ARHGAP15: variants seen among roughly 807,000 people sequenced by gnomAD.
ARHGAP15 encodes Rho GTPase activating protein 15.
A neutral mutation model predicts 63.7 loss-of-function variants in ARHGAP15; 51 were observed. The ratio of observed to expected loss-of-function variants is 0.80; its 90% CI spans 0.64 to 1.01. The LOEUF is 1.01. Among genes scored for constraint, ARHGAP15 ranks in the 50% least tolerant of loss-of-function variants. ARHGAP15 has a pLI of 0.00. For missense variants in ARHGAP15, 560 were observed against 564.6 expected (o/e 0.99, Z 0.08); for synonymous variants, 191 against 193.8 (o/e 0.99, Z 0.12).
At chr2:143,707,583 T>C (rs939100687) in intron 13 of ARHGAP15, among the ~76,000 whole-genome samples, 5 of 152,172 alleles carry the variant, frequency 3.3e-5, no homozygotes, top group African/African-American at 9.7e-5. Flanking sequence ...GTATATGCAA[T>C]GTATCTCGAG....
At chr2:143,611,289 A>C (rs375759079) in intron 11 of ARHGAP15, among the ~76,000 whole-genome samples, 5 of 152,252 alleles carry the variant, frequency 3.3e-5, no homozygotes, top group African/African-American at 1.2e-4. Context: ...CTTGCTCTAT[A>C]TGTTGCTATA....
intron 11 of ARHGAP15, among the ~76,000 whole-genome samples, chr2:143,581,016 A>T (rs754207576): frequency 6.6e-6 from 1 of 152,182 alleles, no homozygotes; most frequent in Non-Finnish European, 1.5e-5. Flanking sequence ...CAATAATCCC[A>T]CTTAGCAGGT....
intron 3 of ARHGAP15, among the ~76,000 whole-genome samples, chr2:143,202,832 C>CA (rs1692175141): frequency 2.6e-5 from 4 of 151,966 alleles, no homozygotes; most frequent in Admixed American, 2.6e-4. Flanking sequence ...AAGAATGGCA[C>CA]TTTTTTCCAT....
intron 13 of ARHGAP15, among the ~76,000 whole-genome samples, chr2:143,745,767 A>T (rs1016796169): frequency 6.6e-6 from 1 of 152,222 alleles, no homozygotes; most frequent in Non-Finnish European, 1.5e-5. Flanking sequence ...AAAGGTGTTT[A>T]AAATTGTTAA....
chr2:143,599,498 G>A (rs761204944), intron 11 of ARHGAP15, among the ~76,000 whole-genome samples: 2 of 151,706 alleles, frequency 1.3e-5, no homozygotes, highest in African/African-American at 2.4e-5. Flanking sequence ...AGGAGTTCGA[G>A]ACCAGCCTGA....
chr2:143,238,302 A>G (rs1208250931), intron 5 of ARHGAP15: 1 of 152,228 alleles, frequency 6.6e-6, no homozygotes, highest in Admixed American at 6.5e-5. Flanking sequence ...TTCAGCTGAC[A>G]AAATTCTAAT....
Position 143,483,269 on chromosome 2 carries a change from TATAACTC to T in ARHGAP15, c.704-4100_704-4094del, listed in dbSNP as rs779223109. Among the ~76,000 whole-genome samples, 102 of 152,302 alleles carry T rather than the reference TATAACTC, an allele frequency of 6.7e-4. 1 individual carries two copies. The highest frequency in any genetic ancestry group is 6.2e-4 in the Non-Finnish European group (42 of 68,026). ...AATACCTAGGGGAGTTTCAAAAAGA[TATAACTC>T]ATACCGTAATTATTTTCATAATCTA... On this transcript the variant is annotated intron_variant, in intron 8 of 13. Transcript: ENST00000295095.
intron 2 of ARHGAP15, among the ~76,000 whole-genome samples, chr2:143,195,819 TA>T (rs1691866633): frequency 6.6e-6 from 1 of 152,158 alleles, no homozygotes; most frequent in Non-Finnish European, 1.5e-5. Context: ...GGAATCTATT[TA>T]AAAGCAGAGC....
chr2:143,469,007 A>T (rs1691386945), intron 8 of ARHGAP15, among the ~76,000 whole-genome samples: 1 of 152,158 alleles, frequency 6.6e-6, no homozygotes, highest in South Asian at 2.1e-4. Context: ...AAAATAGATC[A>T]TCTGGAACTG....
intron 6 of ARHGAP15, among the ~76,000 whole-genome samples, chr2:143,261,641 C>T (rs935961791): frequency 6.6e-6 from 1 of 152,048 alleles, no homozygotes; most frequent in African/African-American, 2.4e-5. Flanking sequence ...AGCCACGGTG[C>T]CTGGCCGACC....
At chr2:143,552,691 A>G (rs1695623391) in intron 10 of ARHGAP15, among the ~76,000 whole-genome samples, 1 of 152,224 alleles carries the variant, frequency 6.6e-6, no homozygotes, top group Non-Finnish European at 1.5e-5. Context: ...ACAATATTTC[A>G]GTGAATGTGG....
chr2:143,677,166 G>A (rs1171952367), intron 12 of ARHGAP15, among the ~76,000 whole-genome samples: 1 of 152,190 alleles, frequency 6.6e-6, no homozygotes, highest in Non-Finnish European at 1.5e-5. Flanking sequence ...GACCCAGAGT[G>A]CCAGTTAATT....
intron 1 of ARHGAP15, among the ~76,000 whole-genome samples, chr2:143,132,901 C>T (rs940322810): frequency 6.6e-6 from 1 of 152,088 alleles, no homozygotes; most frequent in African/African-American, 2.4e-5. Context: ...TATTTTTCAA[C>T]AGCTACTGTA....
chr2:143,519,478 C>T (rs1693969075), intron 10 of ARHGAP15, 114 bp downstream of exon 10: 1 of 770,428 alleles, frequency 1.3e-6, no homozygotes, highest in Non-Finnish European at 2.1e-6. Flanking sequence ...TAAAACTTGA[C>T]TTGTGTTAAT....
At chr2:143,393,476 G>A (rs1687622746) in intron 6 of ARHGAP15, among the ~76,000 whole-genome samples, 1 of 152,126 alleles carries the variant, frequency 6.6e-6, no homozygotes. Flanking sequence ...GCTCATGCCT[G>A]TAATCCCACC....
intron 10 of ARHGAP15, among the ~76,000 whole-genome samples, chr2:143,529,844 C>A (rs1036194112): frequency 6.6e-6 from 1 of 152,144 alleles, no homozygotes; most frequent in Non-Finnish European, 1.5e-5. Flanking sequence ...CCAGTGACAG[C>A]TTTGCTTTTC....
chr2:143,278,420 T>G (rs1013563710), intron 6 of ARHGAP15, among the ~76,000 whole-genome samples: 1 of 152,130 alleles, frequency 6.6e-6, no homozygotes, highest in Non-Finnish European at 1.5e-5. Context: ...GTACCATAGT[T>G]GACGAGGAAG....
rs368532234 is a variant in ARHGAP15, at chr2:143,586,864, GC to G, written c.1003+30380del. 7.2e-5 allele frequency among the ~76,000 whole-genome samples: 11 copies of G among 151,872 alleles called. No homozygotes were observed. The South Asian group carries it at 2.1e-3, about 29-fold the overall frequency. On this transcript the variant is annotated intron_variant, in intron 11 of 13. Coordinates refer to ENST00000295095, the MANE Select transcript of ARHGAP15 (RefSeq NM_018460.4). Reference sequence around the variant, plus strand: ...TCAATTACTCTAATTCTTGATTAGGGCAATTTTACTCAATCTCAATCTCTCA... The same window carrying G: ...TCAATTACTCTAATTCTTGATTAGGGAATTTTACTCAATCTCAATCTCTCA...
At chr2:143,488,327 G>T (rs943333243) in intron 9 of ARHGAP15, among the ~76,000 whole-genome samples, 20 of 152,166 alleles carry the variant, frequency 1.3e-4, no homozygotes, top group Non-Finnish European at 1.5e-5. Flanking sequence ...ATTATTCATT[G>T]TTGTTATCAC....
Sources: allele counts gnomAD v4.1 joint callset (sites outside exome capture counted in the v4.1 genomes callset), GRCh38; gene constraint gnomAD v4.1.1; transcripts MANE v1.5; gene names NCBI Gene and HGNC (gene_info 2026-07-23, HGNC 2026-07-21).